The following DISP1 variants were observed in gnomAD, a reference collection of about 807,000 sequenced individuals.
DISP1 encodes the protein dispatched RND transporter family member 1.
Under a neutral mutation model 37.3 loss-of-function variants are expected in DISP1, and 30 were observed. That is an observed-to-expected ratio of 0.80 (90% CI 0.60 to 1.09). DISP1 has a LOEUF of 1.09. Ranked by LOEUF, DISP1 falls within the 50% of genes least tolerant of loss-of-function variation. DISP1 has a pLI of 0.00. For missense variants in DISP1, 1,598 were observed against 1,879.5 expected (o/e 0.85, Z 2.77); for synonymous variants, 634 against 690.2 (o/e 0.92, Z 1.28).
intron 4 of DISP1, among the ~76,000 whole-genome samples, chr1:222,988,662 CT>C (rs35016383): frequency 0.35 from 44,178 of 126,496 alleles, 6,720 homozygotes; most frequent in Middle Eastern, 0.46. Flanking sequence ...ATTTCTTTCT[CT>C]TTTTTTTTTT....
chr1:222,958,298 GTGT>G (rs1226859339), intron 3 of DISP1, among the ~76,000 whole-genome samples: 2 of 152,188 alleles, frequency 1.3e-5, no homozygotes, highest in African/African-American at 2.4e-5. Context: ...AATTAGAGGT[GTGT>G]TGTTTTTTAG....
chr1:223,004,413 A>G lies in DISP1; in HGVS notation c.3016A>G (p.Ile1006Val), dbSNP rs1679726949. ...FSVMLLTTWN[I>V]IISLYAIISI... Reference sequence around the variant, plus strand: ...CGTGATGCTGCTGACAACTTGGAACATCATCATAAGCCTTTATGCCATCAT... The same window carrying G: ...CGTGATGCTGCTGACAACTTGGAACGTCATCATAAGCCTTTATGCCATCAT... Residue 1006 changes from isoleucine to valine, a missense_variant, in exon 9 of 9, where the codon ATC (isoleucine) becomes GTC (valine). Ile to Val is a conservative substitution (Grantham distance 29). Transcript: ENST00000675850. The surrounding 1 kb of genome is among the most constrained non-coding windows in gnomAD (Gnocchi z 4.9). The G allele has an allele frequency of 8.7e-6, 14 of 1,614,104 alleles. No homozygotes were observed. The highest frequency in any genetic ancestry group is 3.3e-4 in the Middle Eastern group (2 of 6,084).
chr1:222,858,821 G>C (rs554988208), intron 1 of DISP1, among the ~76,000 whole-genome samples: 1 of 152,266 alleles, frequency 6.6e-6, no homozygotes, highest in East Asian at 1.9e-4. Context: ...TTATTAAAAC[G>C]TCTAGAAACA....
rs1430152133 is a variant in DISP1, at chr1:223,002,630, C to T, written c.1233C>T (p.Cys411=). ...CCAGAAGAAAGGACCAGCTCAAGTG[C>T]ACCAATGTGCCACGCAAATGTACCA... ...MAARRKDQLK[C]TNVPRKCTKY... is the part of the protein sequence containing the mutation. Residue 411 remains cysteine (C), a synonymous_variant, in exon 9 of 9, where the codon TGC becomes TGT. Coordinates refer to ENST00000675850, the MANE Select transcript of DISP1 (RefSeq NM_001377229.1). 18 of 1,614,098 alleles carry T rather than the reference C, an allele frequency of 1.1e-5. No individual in the cohort carries two copies. Among genetic ancestry groups the T allele is most frequent in the Non-Finnish European group, 1.4e-5 (16 of 1,180,048 alleles).
chr1:222,864,088 T>C (rs1029781513), intron 1 of DISP1, among the ~76,000 whole-genome samples: 4 of 152,190 alleles, frequency 2.6e-5, no homozygotes, highest in Admixed American at 1.3e-4. Flanking sequence ...AATGTATGTA[T>C]ATGTAAATTA....
chr1:222,904,971 G>A (rs956420666), intron 1 of DISP1, among the ~76,000 whole-genome samples: 2 of 152,120 alleles, frequency 1.3e-5, no homozygotes, highest in Non-Finnish European at 2.9e-5. Flanking sequence ...TACTCATGCT[G>A]CAAATATGCA....
chr1:222,998,075 A>G (rs1338463957), intron 8 of DISP1, among the ~76,000 whole-genome samples: 1 of 152,050 alleles, frequency 6.6e-6, no homozygotes, highest in Non-Finnish European at 1.5e-5. Context: ...GAGATAATAT[A>G]TTCATCTGAT....
At chr1:222,929,372 C>T (rs182623599) in intron 2 of DISP1, among the ~76,000 whole-genome samples, 17 of 152,114 alleles carry the variant, frequency 1.1e-4, no homozygotes, top group Admixed American at 1.0e-3. Flanking sequence ...GTAAAATATA[C>T]ATTAAAAAAT....
chr1:222,820,861 T>C (rs944235695), intron 1 of DISP1, among the ~76,000 whole-genome samples: 1 of 152,234 alleles, frequency 6.6e-6, no homozygotes, highest in Non-Finnish European at 1.5e-5. Context: ...GCAGGCTGGC[T>C]GAGGGTGTTA....
intron 2 of DISP1, among the ~76,000 whole-genome samples, chr1:222,940,118 T>C (rs1202305500): frequency 1.4e-5 from 2 of 145,540 alleles, no homozygotes; most frequent in Non-Finnish European, 3.0e-5. Context: ...AGAGCAAGAC[T>C]CCATCTCAAA....
chr1:222,855,222 A>C (rs1312208852), intron 1 of DISP1, among the ~76,000 whole-genome samples: 2 of 152,182 alleles, frequency 1.3e-5, no homozygotes, highest in African/African-American at 4.8e-5. Flanking sequence ...GTGCTCTCTT[A>C]TTCTTTTCTT....
At chr1:222,835,032 A>G (rs1331544557) in intron 1 of DISP1, 1 of 152,132 alleles carries the variant, frequency 6.6e-6, no homozygotes, top group Admixed American at 6.6e-5. Flanking sequence ...TACTATTGAT[A>G]TAGTATGAAC....
At chr1:222,887,544 T>G (rs1318758692) in intron 1 of DISP1, among the ~76,000 whole-genome samples, 1 of 125,758 alleles carries the variant, frequency 8.0e-6, no homozygotes, top group African/African-American at 2.9e-5. Flanking sequence ...CAGGCCGGAC[T>G]GCGGACTGCA....
chr1:222,887,502 T>TGA (rs1328809811), intron 1 of DISP1, among the ~76,000 whole-genome samples: 11 of 124,776 alleles, frequency 8.8e-5, no homozygotes, highest in South Asian at 5.6e-4. Context: ...TTTTTTTTTT[T>TGA]TTTTTTTGAG....
At chr1:222,944,535 G>T (rs911726532) in intron 3 of DISP1, among the ~76,000 whole-genome samples, 2 of 152,110 alleles carry the variant, frequency 1.3e-5, no homozygotes, top group East Asian at 1.9e-4. Context: ...TATTCAGTTC[G>T]ATCAGTGTTG....
At chr1:222,845,856 T>C (rs1667865914) in intron 1 of DISP1, among the ~76,000 whole-genome samples, 1 of 152,186 alleles carries the variant, frequency 6.6e-6, no homozygotes, top group South Asian at 2.1e-4. Context: ...CCACTTGACA[T>C]GCTTTAATAT....
At position 222,821,057 on chromosome 1, in the gene DISP1, G is replaced by T. The variant is rs184992845; in HGVS notation, c.-159+5979G>T. On this transcript the variant is annotated intron_variant, in intron 1 of 8. Coordinates refer to ENST00000675850, the MANE Select transcript of DISP1 (RefSeq NM_001377229.1). ...CTTCAAGTTTATCATTTCTAAGCAG[G>T]TGCATGTCTCTGGCCATATGTAGAG... Among the ~76,000 whole-genome samples, 46 of 152,172 alleles carry T rather than the reference G, an allele frequency of 3.0e-4. 1 individual carries two copies. Among genetic ancestry groups the T allele is most frequent in the African/African-American group, 1.1e-3 (44 of 41,494 alleles).
chr1:222,967,258 C>T (rs1366865990), intron 3 of DISP1, among the ~76,000 whole-genome samples: 1 of 152,188 alleles, frequency 6.6e-6, no homozygotes, highest in East Asian at 1.9e-4. Context: ...GACATGATCA[C>T]ATTCTTGCAC....
chr1:222,998,910 C>G (rs949264533), intron 8 of DISP1, among the ~76,000 whole-genome samples: 1 of 152,118 alleles, frequency 6.6e-6, no homozygotes, highest in African/African-American at 2.4e-5. Context: ...CTTGCTTTTT[C>G]TTTTCTCCCG....
Sources: gnomAD v4.1 joint callset for allele counts (sites outside exome capture counted in the v4.1 genomes callset) on GRCh38, gnomAD v4.1.1 for gene constraint, Gnocchi (gnomAD v3.1) non-coding constraint, MANE v1.5 for transcripts, NCBI Gene and HGNC (gene_info 2026-07-23, HGNC 2026-07-21) for gene names.